GABRG1: variants seen among roughly 807,000 people sequenced by gnomAD.
GABRG1 encodes the protein gamma-aminobutyric acid type A receptor subunit gamma1, also known as gamma-aminobutyric acid receptor subunit gamma-1.
GABRG1 carries 49 observed loss-of-function variants against 49.8 expected under a neutral mutation model. That is an observed-to-expected ratio of 0.98 (90% CI 0.78 to 1.25). The LOEUF (loss-of-function observed/expected upper bound fraction) is 1.25. Ranked by LOEUF, GABRG1 falls within the 50% of genes most tolerant of loss-of-function variation. The probability of loss-of-function intolerance (pLI) is 0.00; values close to 1 mark genes in which losing one functional copy is unlikely to be tolerated. For synonymous variants in GABRG1, 232 were observed against 185.1 expected (o/e 1.25, Z -2.06); for missense variants, 552 against 552.3 (o/e 1.00, Z 0.01).
intron 3 of GABRG1, among the ~76,000 whole-genome samples, chr4:46,080,360 C>T (rs1156895734): frequency 6.6e-6 from 1 of 151,772 alleles, no homozygotes; most frequent in Non-Finnish European, 1.5e-5. Context: ...TCTAATTTCC[C>T]TGTATTGTTT....
intron 1 of GABRG1, among the ~76,000 whole-genome samples, chr4:46,121,579 A>G (rs568343213): frequency 2.1e-5 from 3 of 144,346 alleles, no homozygotes; most frequent in Admixed American, 2.0e-4. Flanking sequence ...TGCCTACAAA[A>G]GTGTTTCTGT....
chr4:46,094,052 A>G (rs1314227792), intron 2 of GABRG1, among the ~76,000 whole-genome samples: 1 of 152,068 alleles, frequency 6.6e-6, no homozygotes, highest in East Asian at 1.9e-4. Context: ...ATTAAACAAT[A>G]TTCACTAACT....
intron 3 of GABRG1, among the ~76,000 whole-genome samples, chr4:46,077,569 T>C (rs1038842400): frequency 2.0e-5 from 3 of 151,908 alleles, no homozygotes; most frequent in African/African-American, 7.2e-5. Flanking sequence ...TAGAAGAAAA[T>C]AGCATTAGGA....
At chr4:46,108,559 T>A (rs1245890031) in intron 1 of GABRG1, among the ~76,000 whole-genome samples, 1 of 150,998 alleles carries the variant, frequency 6.6e-6, no homozygotes, top group African/African-American at 2.4e-5. Flanking sequence ...AACATATTAA[T>A]CCTTACCACT....
chr4:46,061,607 A>C (rs1718677745), intron 5 of GABRG1, among the ~76,000 whole-genome samples: 1 of 152,008 alleles, frequency 6.6e-6, no homozygotes, highest in Middle Eastern at 3.2e-3. Context: ...ATGTTAGTAA[A>C]TATAAAATAA....
At chr4:46,109,290 T>G (rs1372359288) in intron 1 of GABRG1, among the ~76,000 whole-genome samples, 1 of 151,100 alleles carries the variant, frequency 6.6e-6, no homozygotes, top group Admixed American at 6.6e-5. Flanking sequence ...GCTCCAGATT[T>G]TCTAGTTTGT....
chr4:46,103,527 C>T (rs905921424), intron 1 of GABRG1, among the ~76,000 whole-genome samples: 1 of 151,218 alleles, frequency 6.6e-6, no homozygotes, highest in Non-Finnish European at 1.5e-5. Context: ...TATCATAGCC[C>T]TATTTTTTAA....
Position 46,038,503 on chromosome 4 carries a change from C to T in GABRG1, c.*2485G>A, listed in dbSNP as rs991186938. The T allele has an allele frequency of 5.3e-5, 8 of 151,228 alleles. No homozygotes were observed. The highest frequency in any genetic ancestry group is 1.9e-4 in the African/African-American group (8 of 41,284). 9.4% of individuals were successfully genotyped at this position (151,228 alleles called of 1,614,324 possible). A position where few individuals can be genotyped will look rare whatever the true frequency, so the allele number is the denominator to read the frequency against. On this transcript the variant is annotated 3_prime_UTR_variant, in exon 9 of 9. Transcript: ENST00000295452. Reference sequence around the variant, plus strand: ...TGAAAGCATCCAGGAAAATCAAGTTCCAATAAATTCAATAAATTATTATAT... The same window carrying T: ...TGAAAGCATCCAGGAAAATCAAGTTTCAATAAATTCAATAAATTATTATAT...
chr4:46,110,262 G>A (rs951885020), intron 1 of GABRG1, among the ~76,000 whole-genome samples: 1 of 150,960 alleles, frequency 6.6e-6, no homozygotes, highest in African/African-American at 2.4e-5. Context: ...TTATAATTAT[G>A]CAATGCCCTC....
At chr4:46,107,939 G>A (rs1272228824) in intron 1 of GABRG1, among the ~76,000 whole-genome samples, 2 of 151,144 alleles carry the variant, frequency 1.3e-5, no homozygotes, top group African/African-American at 2.4e-5. Context: ...TTGGTAAAAT[G>A]TTTATGTATA....
Position 46,040,922 on chromosome 4 carries a change from C to G in GABRG1, c.*66G>C. ...CATTTTAAATTTAAACTTCAAGTTA[C>G]TGAAGCACAAAAGATTCTACTGAAT... On this transcript the variant is annotated 3_prime_UTR_variant, in exon 9 of 9. Coordinates refer to ENST00000295452, the MANE Select transcript of GABRG1 (RefSeq NM_173536.4). The G allele has an allele frequency of 6.8e-7, 1 of 1,464,274 alleles. No individual in the cohort carries two copies. Among genetic ancestry groups the G allele is most frequent in the Non-Finnish European group, 9.3e-7 (1 of 1,078,214 alleles). The allele number at this position is 1,464,274 out of a possible 1,614,324, so 90.7% of individuals were successfully genotyped here.
chr4:46,061,811 TAC>T (rs1718687248), intron 5 of GABRG1, among the ~76,000 whole-genome samples: 1 of 112,410 alleles, frequency 8.9e-6, no homozygotes, highest in Non-Finnish European at 1.9e-5. Context: ...AGTTACCACT[TAC>T]ATTTTTTTTT....
At chr4:46,042,998 A>C (rs895686584) in intron 8 of GABRG1, among the ~76,000 whole-genome samples, 1 of 151,966 alleles carries the variant, frequency 6.6e-6, no homozygotes, top group African/African-American at 2.4e-5. Context: ...TGGAGCACTA[A>C]AATCATGTAA....
At chr4:46,117,998 A>G (rs1237578882) in intron 1 of GABRG1, among the ~76,000 whole-genome samples, 4 of 111,854 alleles carry the variant, frequency 3.6e-5, no homozygotes, top group Non-Finnish European at 5.1e-5. Flanking sequence ...CTATATACAT[A>G]TATACATATG....
intron 1 of GABRG1, among the ~76,000 whole-genome samples, chr4:46,117,839 T>C (rs1383392832): frequency 5.6e-5 from 6 of 106,646 alleles, no homozygotes; most frequent in East Asian, 2.4e-4. Flanking sequence ...TATACATATG[T>C]ATACATGTGT....
At chr4:46,057,956 A>T (rs961796285) in intron 7 of GABRG1, among the ~76,000 whole-genome samples, 1 of 152,132 alleles carries the variant, frequency 6.6e-6, no homozygotes, top group African/African-American at 2.4e-5. Context: ...AATTCTTGTT[A>T]TGGATCTATG....
intron 1 of GABRG1, 74 bp downstream of exon 1, chr4:46,123,736 T>C (rs1412293869): frequency 1.9e-6 from 2 of 1,045,692 alleles, no homozygotes; most frequent in Non-Finnish European, 2.9e-6. Flanking sequence ...AGTGGAATAA[T>C]TTTTAAAAGA....
intron 3 of GABRG1, among the ~76,000 whole-genome samples, chr4:46,071,053 A>C (rs1413153083): frequency 1.3e-5 from 2 of 151,958 alleles, no homozygotes; most frequent in African/African-American, 2.4e-5. Context: ...AATTCCCATC[A>C]CCTAGTGATG....
chr4:46,116,327 T>C lies in GABRG1; in HGVS notation c.104+7483A>G, dbSNP rs1457207209. On this transcript the variant is annotated intron_variant, in intron 1 of 8. Coordinates refer to ENST00000295452, the MANE Select transcript of GABRG1 (RefSeq NM_173536.4). Reference sequence around the variant, plus strand: ...AATAGACAATATATTGAAATTATCATTGAGTTCTCCATTTTTAAGTTCATT... The same window carrying C: ...AATAGACAATATATTGAAATTATCACTGAGTTCTCCATTTTTAAGTTCATT... Among the ~76,000 whole-genome samples the C allele has an allele frequency of 4.6e-5, 7 of 151,002 alleles. No individual in the cohort carries two copies. The East Asian group carries it at 9.7e-4, about 21-fold the overall frequency.
Sources: gnomAD v4.1 joint callset for allele counts (sites outside exome capture counted in the v4.1 genomes callset) on GRCh38, gnomAD v4.1.1 for gene constraint, MANE v1.5 for transcripts, NCBI Gene and HGNC (gene_info 2026-07-23, HGNC 2026-07-21) for gene names.